The following SYNE2 variants were observed in gnomAD, a reference collection of about 807,000 sequenced individuals.
The protein encoded by SYNE2 is nesprin-2.
In SYNE2, 431 loss-of-function variants were observed where a neutral mutation model predicts 856.3. The observed-to-expected ratio is 0.50, with a 90% CI of 0.47 to 0.55. The LOEUF is 0.55. Among genes scored for constraint, SYNE2 ranks in the 20% least tolerant of loss-of-function variants. The probability of loss-of-function intolerance (pLI) is 0.00; values close to 1 mark genes in which losing one functional copy is unlikely to be tolerated. For missense variants in SYNE2, 8,129 were observed against 8,023.2 expected (o/e 1.01, Z -0.50); for synonymous variants, 2,923 against 2,872.3 (o/e 1.02, Z -0.56).
intron 45 of SYNE2, among the ~76,000 whole-genome samples, chr14:64,047,531 C>T (rs948803741): frequency 1.3e-5 from 2 of 152,212 alleles, no homozygotes; most frequent in Non-Finnish European, 2.9e-5. Context: ...TGGGGTTTCA[C>T]TGGGGGCTTG....
intron 96 of SYNE2, among the ~76,000 whole-genome samples, chr14:64,178,581 C>CG (rs202122862): frequency 6.6e-6 from 1 of 152,158 alleles, no homozygotes; most frequent in African/African-American, 2.4e-5. Flanking sequence ...CCTCAGCCCC[C>CG]CCGAGTAGCC....
intron 9 of SYNE2, among the ~76,000 whole-genome samples, chr14:63,962,096 G>A (rs1367334682): frequency 3.3e-5 from 5 of 149,994 alleles, no homozygotes; most frequent in Non-Finnish European, 5.9e-5. Context: ...TTGCCCTGTC[G>A]CCCAGGCTGT....
intron 23 of SYNE2, 95 bp downstream of exon 23, chr14:63,995,297 G>A (rs530072183): frequency 3.6e-6 from 4 of 1,096,034 alleles, no homozygotes; most frequent in Admixed American, 4.0e-5. Flanking sequence ...AAACTGTTCT[G>A]AAAATTACCC....
chr14:64,101,086 G>A (rs2097725143), intron 63 of SYNE2, among the ~76,000 whole-genome samples: 1 of 152,008 alleles, frequency 6.6e-6, no homozygotes, highest in Non-Finnish European at 1.5e-5. Flanking sequence ...CCGTATCTTG[G>A]TTGTTGTGAA....
intron 2 of SYNE2, among the ~76,000 whole-genome samples, chr14:63,927,668 C>T (rs866173656): frequency 1.2e-4 from 18 of 151,918 alleles, no homozygotes; most frequent in Non-Finnish European, 1.9e-4. Context: ...CCGAGGAGGA[C>T]GGATCACGAG....
chr14:63,884,078 A>G (rs1398432543), intron 1 of SYNE2, among the ~76,000 whole-genome samples: 1 of 152,208 alleles, frequency 6.6e-6, no homozygotes, highest in Non-Finnish European at 1.5e-5. Context: ...GAGAGGAGCC[A>G]CAGCCTGGAT....
At position 64,222,326 on chromosome 14, in the gene SYNE2, CCTGTGTCTGCACTGTCTAA is replaced by C. The variant is rs563657784; in HGVS notation, c.20190+623_20190+641del. ...GAACTTTCTGAAGTGATAGAGATGACCTGTGTCTGCACTGTCTAATAACCTCATGTGGCTTAAAGCACCT... is the reference window on the plus strand; with the variant it reads ...GAACTTTCTGAAGTGATAGAGATGACTAACCTCATGTGGCTTAAAGCACCT... On this transcript the variant is annotated intron_variant, in intron 112 of 115. Coordinates refer to ENST00000555002, the MANE Select transcript of SYNE2 (RefSeq NM_182914.3). Among the ~76,000 whole-genome samples the C allele has an allele frequency of 2.5e-4, 38 of 152,312 alleles. No individual in the cohort carries two copies. The South Asian group carries it at 7.2e-3, about 29-fold the overall frequency.
chr14:63,970,597 C>T, intron 11 of SYNE2, among the ~76,000 whole-genome samples: 1 of 150,176 alleles, frequency 6.7e-6, no homozygotes, highest in Non-Finnish European at 1.5e-5. Flanking sequence ...TGTTTATTCT[C>T]TCTGCTTTTT....
intron 48 of SYNE2, among the ~76,000 whole-genome samples, chr14:64,054,161 A>G (rs1461101233): frequency 6.6e-6 from 1 of 152,216 alleles, no homozygotes; most frequent in African/African-American, 2.4e-5. Flanking sequence ...TACTGCATCT[A>G]CATGCAGTGC....
intron 38 of SYNE2, 27 bp downstream of exon 38, chr14:64,022,890 A>G: frequency 1.6e-6 from 2 of 1,231,200 alleles, no homozygotes; most frequent in Non-Finnish European, 2.4e-6. Flanking sequence ...TATTTTTAAT[A>G]AAAATTTTCA....
At chr14:63,921,448 A>G (rs1437706098) in intron 2 of SYNE2, among the ~76,000 whole-genome samples, 3 of 152,208 alleles carry the variant, frequency 2.0e-5, no homozygotes, top group Non-Finnish European at 4.4e-5. Context: ...AACATCACAC[A>G]GATAGAAAAA....
At position 63,977,934 on chromosome 14, in the gene SYNE2, G is replaced by A. The variant is rs765911939; in HGVS notation, c.1323G>A (p.Ser441=). 2.5e-5 allele frequency: 40 copies of A among 1,613,562 alleles called. No homozygotes were observed. Among genetic ancestry groups the A allele is most frequent in the Non-Finnish European group, 3.4e-5 (40 of 1,179,756 alleles). Residue 441 remains serine, a synonymous_variant, in exon 13 of 116, where the codon TCG becomes TCA. Coordinates refer to ENST00000555002, the MANE Select transcript of SYNE2 (RefSeq NM_182914.3). ...TGATGGATAGATTTGAGCATCATTCGAACATTCTCCTTACCTTTGAAAATA... is the reference window on the plus strand; with the variant it reads ...TGATGGATAGATTTGAGCATCATTCAAACATTCTCCTTACCTTTGAAAATA... ...KSLMDRFEHH[S]NILLTFENKD...
chr14:64,057,135 A>G (rs375310774), intron 49 of SYNE2, among the ~76,000 whole-genome samples: 2 of 152,006 alleles, frequency 1.3e-5, no homozygotes, highest in African/African-American at 4.8e-5. Context: ...AAACAATCCA[A>G]CTGTACTCTT....
intron 99 of SYNE2, among the ~76,000 whole-genome samples, chr14:64,195,434 C>T (rs1396905668): frequency 6.6e-6 from 1 of 152,188 alleles, no homozygotes; most frequent in Non-Finnish European, 1.5e-5. Context: ...AAGCCACTGA[C>T]AAGGAGGGAC....
At chr14:63,900,368 G>A (rs2095320187) in intron 1 of SYNE2, among the ~76,000 whole-genome samples, 1 of 152,174 alleles carries the variant, frequency 6.6e-6, no homozygotes, top group South Asian at 2.1e-4. Context: ...GGCTGGGGAG[G>A]CCTCACAATC....
In SYNE2 at chr14:64,049,778, A is replaced by C; in HGVS notation, c.7545A>C (p.Lys2515Asn). ...LQALITLKKN[K>N]ESQYCVLRDF... The stretch of plus-strand genomic sequence containing the variant: ...CACTTATTACTTTGAAGAAAAACAA[A>C]GAAAGCCAATATTGTGTCCTCAGAG... The change falls in exon 47 of 116, where the codon AAA becomes AAC. Residue 2515 changes from lysine to asparagine, a missense_variant. Physicochemically the swap from Lys to Asn is moderately conservative, Grantham distance 94. Around this residue, in one of 3 missense-constraint regions of SYNE2, gnomAD observed 5,410 missense variants for 5,284.8 expected, o/e 1.02. Transcript: ENST00000555002. 1 of 1,614,200 alleles carries C rather than the reference A, an allele frequency of 6.2e-7. No individual in the cohort carries two copies. The highest frequency in any genetic ancestry group is 8.5e-7 in the Non-Finnish European group (1 of 1,180,028).
chr14:64,212,987 G>C lies in SYNE2; in HGVS notation c.19038G>C (p.Arg6346=), dbSNP rs778750902. The change falls in exon 105 of 116, where the codon CGG becomes CGC. Residue 6346 remains arginine, a synonymous_variant. Transcript: ENST00000555002. The part of the protein sequence containing the change: ...VFGRVSRFHR[R]LTSCTPGLED... Reference sequence around the variant, plus strand: ...GAAGGGTCTCCCGGTTCCACCGGCGGCTCACCTCCTGCACTCCGGTACGGG... The same window carrying C: ...GAAGGGTCTCCCGGTTCCACCGGCGCCTCACCTCCTGCACTCCGGTACGGG... The C allele has an allele frequency of 4.3e-6, 7 of 1,613,538 alleles. No homozygotes were observed. The African/African-American group carries it at 8.0e-5, about 18-fold the overall frequency.
At chr14:63,915,780 T>C (rs1461876232) in intron 2 of SYNE2, among the ~76,000 whole-genome samples, 1 of 152,236 alleles carries the variant, frequency 6.6e-6, no homozygotes, top group Non-Finnish European at 1.5e-5. Context: ...GGTTCAGTAG[T>C]GAAACGTGAG....
chr14:64,106,908 A>G (rs1163721622), intron 64 of SYNE2, among the ~76,000 whole-genome samples: 5 of 152,224 alleles, frequency 3.3e-5, no homozygotes, highest in Non-Finnish European at 7.3e-5. Flanking sequence ...TGTTAGGAGT[A>G]ATACAAGAAT....
Sources: allele counts gnomAD v4.1 joint callset (sites outside exome capture counted in the v4.1 genomes callset), GRCh38; gene constraint gnomAD v4.1.1; regional missense constraint gnomAD v4.1.1; transcripts MANE v1.5; gene names NCBI Gene and HGNC (gene_info 2026-07-23, HGNC 2026-07-21).